CEL: variants seen among roughly 807,000 people sequenced by gnomAD.
The protein encoded by CEL is carboxyl ester lipase, also known as bile salt-activated lipase.
CEL carries 39 observed loss-of-function variants against 57.1 expected under a neutral mutation model. The ratio of observed to expected loss-of-function variants is 0.68; its 90% CI spans 0.53 to 0.89. CEL has a LOEUF of 0.89. Ranked by LOEUF, CEL falls within the 40% of genes least tolerant of loss-of-function variation. The pLI is 0.00. For synonymous variants in CEL, 314 were observed against 396.6 expected, an observed-to-expected ratio of 0.79 and a Z score of 2.48; for missense variants, 698 against 915.0, an observed-to-expected ratio of 0.76 and a Z score of 3.06.
At position 133,071,669 on chromosome 9, in the gene CEL, C is replaced by G. The variant is rs200041331; in HGVS notation, c.2167C>G (p.Pro723Ala). 132 of 1,571,580 alleles carry G rather than the reference C, an allele frequency of 8.4e-5. No individual in the cohort carries two copies. Among genetic ancestry groups the G allele is most frequent in the Non-Finnish European group, 1.1e-4 (124 of 1,150,612 alleles). ...GCCGCCCACGGGTGACTCCGGGGCC[C>G]CCCCTGTGCCCCCCACGGGTGACTC... Reference protein sequence around the residue: ...PVPPTGDSGAPPVPPTGDSEA... With the variant: ...PVPPTGDSGAAPVPPTGDSEA... The change falls in exon 11 of 11, where the codon CCC becomes GCC. Residue 723 changes from proline (P) to alanine (A), a missense_variant. Pro to Ala is a conservative substitution (Grantham distance 27, BLOSUM62 -1). Around this residue, in one of 6 missense-constraint regions of CEL, gnomAD observed 238 missense variants for 213.7 expected, o/e 1.11. Coordinates refer to ENST00000372080, the MANE Select transcript of CEL (RefSeq NM_001807.6).
At position 133,064,877 on chromosome 9, in the gene CEL, C is replaced by T. The variant is rs973021539; in HGVS notation, c.340+115C>T. The T allele has an allele frequency of 1.1e-5, 17 of 1,566,302 alleles. No homozygotes were observed. In the African/African-American group the frequency reaches 1.2e-4, roughly 11 times the overall value. On this transcript the variant is annotated intron_variant, in intron 3 of 10. Transcript: ENST00000372080. Reference sequence around the variant, plus strand: ...GAACTTCCATGAAATCCCACAGAGGCGGGGAGGGGAGCGCCCACTGCCGTT... The same window carrying T: ...GAACTTCCATGAAATCCCACAGAGGTGGGGAGGGGAGCGCCCACTGCCGTT...
intron 10 of CEL, 126 bp from the exon 11 acceptor site, chr9:133,070,861 G>T: frequency 7.9e-7 from 1 of 1,258,074 alleles, no homozygotes; most frequent in South Asian, 1.3e-5. Context: ...TGCCCAGTAT[G>T]CAGTGAGGGG....
intron 10 of CEL, 72 bp from the exon 11 acceptor site, chr9:133,070,915 G>A (rs538508685): frequency 3.5e-5 from 54 of 1,558,634 alleles, no homozygotes; most frequent in Middle Eastern, 4.5e-4. Context: ...TGGCTCAGGC[G>A]TGCAGGTGGA....
rs1446955253 is a variant in CEL at position 133,062,038 on chromosome 9, C to G, written c.36C>G (p.Thr12=). Residue 12 remains threonine, a synonymous_variant, in exon 1 of 11, where the codon ACC becomes ACG. Coordinates refer to ENST00000372080, the MANE Select transcript of CEL (RefSeq NM_001807.6). The stretch of plus-strand genomic sequence containing the variant: ...TGCAACTGGTTGTGTTGGGCCTCAC[C>G]TGCTGCTGGGCAGTGGCGAGTGCCG... ...GRLQLVVLGL[T]CCWAVASAAK... The G allele has an allele frequency of 6.5e-7, 1 of 1,548,218 alleles. No homozygotes were observed. Among genetic ancestry groups the G allele is most frequent in the African/African-American group, 1.4e-5 (1 of 72,878 alleles).
chr9:133,068,264 G>C (rs575747708), intron 7 of CEL, among the ~76,000 whole-genome samples: 1 of 152,286 alleles, frequency 6.6e-6, no homozygotes, highest in East Asian at 1.9e-4. Context: ...AGCCCTGAGA[G>C]AGGGAGCTCC....
intron 9 of CEL, among the ~76,000 whole-genome samples, chr9:133,070,229 T>G (rs2119068423): frequency 1.4e-5 from 2 of 147,776 alleles, no homozygotes; most frequent in Middle Eastern, 6.9e-3. Context: ...GGAAGGTGCC[T>G]CACAATGTTT....
At chr9:133,070,271 T>A (rs2119068462) in intron 9 of CEL, among the ~76,000 whole-genome samples, 190 bp from the exon 10 acceptor site, 1 of 147,808 alleles carries the variant, frequency 6.8e-6, no homozygotes, top group Middle Eastern at 3.5e-3. Flanking sequence ...CAGCTGAAAT[T>A]GTGGAACCCA....
In CEL at chr9:133,066,641, G is replaced by A; in HGVS notation, c.650G>A (p.Gly217Asp). ...ACGCTCTTCGGGGAGTCTGCTGGAGGTGCCAGCGTCTCTCTGCAGGTCTCG... is the reference window on the plus strand; with the variant it reads ...ACGCTCTTCGGGGAGTCTGCTGGAGATGCCAGCGTCTCTCTGCAGGTCTCG... Reference protein sequence around the residue: ...NITLFGESAGGASVSLQTLSP... With the variant: ...NITLFGESAGDASVSLQTLSP... The change falls in exon 5 of 11, where the codon GGT (glycine) becomes GAT (aspartate). Residue 217 changes from glycine to aspartate, a missense_variant. Coordinates refer to ENST00000372080, the MANE Select transcript of CEL (RefSeq NM_001807.6). The surrounding 1 kb of genome is among the most constrained non-coding windows in gnomAD (Gnocchi z 4.3). 1.2e-6 allele frequency: 2 copies of A among 1,613,704 alleles called. No homozygotes were observed. Among genetic ancestry groups the A allele is most frequent in the Middle Eastern group, 1.6e-4 (1 of 6,062 alleles).
At position 133,064,400 on chromosome 9, in the gene CEL, G is replaced by A. The variant is rs562863396; in HGVS notation, c.67-4G>A. ...CCCTGACCCTGCCCGTGTCTCCCTC[G>A]CAGCTGGGCGCCGTGTACACAGAAG... On this transcript the variant is annotated splice_region_variant and splice_polypyrimidine_tract_variant and intron_variant, in intron 1 of 10. Coordinates refer to ENST00000372080, the MANE Select transcript of CEL (RefSeq NM_001807.6). 52 of 1,613,672 alleles carry A rather than the reference G, an allele frequency of 3.2e-5. No individual in the cohort carries two copies. Among genetic ancestry groups the A allele is most frequent in the Non-Finnish European group, 4.0e-5 (47 of 1,180,000 alleles).
Position 133,064,893 on chromosome 9 carries a change from C to T in CEL, c.340+131C>T. ...CCACAGAGGCGGGGAGGGGAGCGCC[C>T]ACTGCCGTTGCCCAGCCTGGGGCAG... On this transcript the variant is annotated intron_variant, in intron 3 of 10. Coordinates refer to ENST00000372080, the MANE Select transcript of CEL (RefSeq NM_001807.6). The T allele has an allele frequency of 1.9e-6, 3 of 1,544,764 alleles. No homozygotes were observed. The South Asian group carries it at 3.4e-5, about 18-fold the overall frequency.
In CEL at chr9:133,071,561, T is replaced by G. The variant is rs657704; in HGVS notation, c.2059T>G (p.Ser687Ala). The G allele has an allele frequency of 2.1e-4, 144 of 675,574 alleles. 2 individuals carry two copies. The highest frequency in any genetic ancestry group is 1.5e-3 in the African/African-American group (57 of 37,310). The allele number at this position is 675,574 out of a possible 1,614,324, so 41.8% of individuals were successfully genotyped here. A position where few individuals can be genotyped will look rare whatever the true frequency, so the allele number is the denominator to read the frequency against. Residue 687 changes from serine to alanine, a missense_variant, in exon 11 of 11, where the codon TCC (serine) becomes GCC (alanine). This residue lies in a region of CEL where 238 missense variants were observed against 213.7 expected (regional missense o/e 1.11). Transcript: ENST00000372080. ...CCCCCCCGTGCCGCCCACGGGTGAC[T>G]CCGGCGCCCCCCCCGTGCCGCCCAC... The part of the protein sequence containing the change: ...GPPPVPPTGD[S>A]GAPPVPPTGD...
intron 7 of CEL, among the ~76,000 whole-genome samples, chr9:133,068,239 G>A (rs1029647887): frequency 2.6e-5 from 4 of 152,154 alleles, no homozygotes; most frequent in Admixed American, 1.3e-4. Context: ...ATTTTTGGCT[G>A]ATGGACTGGA....
Position 133,066,966 on chromosome 9 carries a change from C to CGGGGGG in CEL, c.777+21_777+22insGGGGGG. On this transcript the variant is annotated intron_variant, in intron 6 of 10. Transcript: ENST00000372080. This position sits in a 1 kb window ranked among gnomAD's most constrained non-coding sequence, Gnocchi z 4.3. ...AAAAGGTAAACGGAGGAGGGCAGGG[C>CGGGGGG]TGGGCGGGGTGGGGGCTGTCCACAT... is the stretch of plus-strand genomic sequence containing the variant. 1.6e-5 allele frequency: 9 copies of CGGGGGG among 560,612 alleles called. No homozygotes were observed. The highest frequency in any genetic ancestry group is 2.7e-5 in the Non-Finnish European group (8 of 292,478). 34.7% of individuals were successfully genotyped at this position (560,612 alleles called of 1,614,324 possible).
rs751652936 is a variant in CEL, at chr9:133,066,846, C to A, written c.678C>A (p.Ser226=). Residue 226 remains serine (S), a synonymous_variant, in exon 6 of 11, where the codon TCC becomes TCA. Transcript: ENST00000372080. This position sits in a 1 kb window ranked among gnomAD's most constrained non-coding sequence, Gnocchi z 4.3. The part of the protein sequence containing the change: ...GGASVSLQTL[S]PYNKGLIRRA... ...ATTTCTGGGTCCCGTAGACCCTCTC[C>A]CCCTACAACAAGGGCCTCATCCGGC... 1 of 1,612,614 alleles carries A rather than the reference C, an allele frequency of 6.2e-7. No homozygotes were observed. The highest frequency in any genetic ancestry group is 8.5e-7 in the Non-Finnish European group (1 of 1,179,588).
chr9:133,064,886 G>A, intron 3 of CEL, 124 bp downstream of exon 3: 2 of 1,555,756 alleles, frequency 1.3e-6, no homozygotes, highest in Non-Finnish European at 1.8e-6. Context: ...GCGGGGAGGG[G>A]AGCGCCCACT....
At chr9:133,070,048 T>C (rs1031328473) in intron 9 of CEL, among the ~76,000 whole-genome samples, 4 of 151,872 alleles carry the variant, frequency 2.6e-5, no homozygotes, top group Non-Finnish European at 4.4e-5. Context: ...AAAGTATACC[T>C]AGAAGTCTAG....
intron 1 of CEL, among the ~76,000 whole-genome samples, chr9:133,063,862 C>T (rs575760211): frequency 1.3e-5 from 2 of 152,238 alleles, no homozygotes; most frequent in South Asian, 2.1e-4. Flanking sequence ...ATGGGGCCAT[C>T]GACTTTGTGC....
In CEL at chr9:133,065,027, T is replaced by C. The variant is rs1443027712; in HGVS notation, c.341-13T>C. 2 of 1,609,638 alleles carry C rather than the reference T, an allele frequency of 1.2e-6. No homozygotes were observed. Among genetic ancestry groups the C allele is most frequent in the Non-Finnish European group, 1.7e-6 (2 of 1,179,448 alleles). ...CGGGGCGTCTGGGGTCACCAGCCGC[T>C]CCCCCATCTCAGTCTCCCGGGACCT... On this transcript the variant is annotated splice_polypyrimidine_tract_variant and intron_variant, in intron 3 of 10. Transcript: ENST00000372080.
In CEL at chr9:133,071,031, C is replaced by T; in HGVS notation, c.1529C>T (p.Pro510Leu). Residue 510 changes from proline to leucine, a missense_variant, in exon 11 of 11, where the codon CCC (proline) becomes CTC (leucine). This residue lies in a region of CEL where 111 missense variants were observed against 147.3 expected (regional missense o/e 0.75). Coordinates refer to ENST00000372080, the MANE Select transcript of CEL (RefSeq NM_001807.6). ...TCGGCTGTGCCCACACACTGGGAAC[C>T]CTACACTACGGAAAACAGCGGCTAC... Reference protein sequence around the residue: ...GDSAVPTHWEPYTTENSGYLE... With the variant: ...GDSAVPTHWELYTTENSGYLE... 1 of 1,613,648 alleles carries T rather than the reference C, an allele frequency of 6.2e-7. No homozygotes were observed. Among genetic ancestry groups the T allele is most frequent in the Non-Finnish European group, 8.5e-7 (1 of 1,179,856 alleles).
Sources: allele counts gnomAD v4.1 joint callset (sites outside exome capture counted in the v4.1 genomes callset), GRCh38; gene constraint gnomAD v4.1.1; regional missense constraint gnomAD v4.1.1; non-coding constraint Gnocchi (gnomAD v3.1); transcripts MANE v1.5; gene names NCBI Gene and HGNC (gene_info 2026-07-23, HGNC 2026-07-21).